SLAMF9: variants seen among roughly 807,000 people sequenced by gnomAD.
SLAMF9 encodes the protein SLAM family member 9.
Under a neutral mutation model 30.4 loss-of-function variants are expected in SLAMF9, and 25 were observed. The ratio of observed to expected loss-of-function variants is 0.82; its 90% CI spans 0.60 to 1.15. The LOEUF is 1.15. Ranked by LOEUF, SLAMF9 falls within the 50% of genes most tolerant of loss-of-function variation. The pLI, the probability that SLAMF9 is intolerant of heterozygous loss-of-function variation, is 0.00. For synonymous variants in SLAMF9, 129 were observed against 127.2 expected, an observed-to-expected ratio of 1.01 and a Z score of -0.09; for missense variants, 344 against 346.1, an observed-to-expected ratio of 0.99 and a Z score of 0.05.
the SLAMF9 span, among the ~76,000 whole-genome samples, chr1:159,977,719 T>G: frequency 1.3e-5 from 2 of 152,194 alleles, no homozygotes; most frequent in African/African-American, 4.8e-5. Flanking sequence ...CACAGCCCTG[T>G]GCAGACAGGC....
chr1:159,951,926 G>A (rs1182623001), intron 3 of SLAMF9, 60 bp from the exon 4 acceptor site: 2 of 1,485,768 alleles, frequency 1.3e-6, no homozygotes, highest in African/African-American at 1.4e-5. Context: ...TAAGATTTGG[G>A]CAGACTCCTA....
the SLAMF9 span, among the ~76,000 whole-genome samples, chr1:159,970,722 A>G: frequency 6.6e-6 from 1 of 152,196 alleles, no homozygotes; most frequent in African/African-American, 2.4e-5. Context: ...AGCCAAGTGT[A>G]CAGTCAGAAA....
chr1:159,960,624 C>T, the SLAMF9 span, among the ~76,000 whole-genome samples: 1 of 152,070 alleles, frequency 6.6e-6, no homozygotes, highest in Non-Finnish European at 1.5e-5. Flanking sequence ...TGCTACTACG[C>T]CTGGCTAATT....
chr1:159,976,620 C>T, the SLAMF9 span: 1 of 151,998 alleles, frequency 6.6e-6, no homozygotes, highest in East Asian at 1.9e-4. Flanking sequence ...ATAAAATATT[C>T]CAATCTTCTT....
At chr1:159,968,249 T>G in the SLAMF9 span, among the ~76,000 whole-genome samples, 77 of 152,294 alleles carry the variant, frequency 5.1e-4, no homozygotes, top group African/African-American at 1.7e-3. Context: ...TGTATATGGA[T>G]TTTACTGTGT....
At chr1:159,955,204 T>C (rs1332384285), upstream of SLAMF9, among the ~76,000 whole-genome samples, 1 of 152,156 alleles carries the variant, frequency 6.6e-6, no homozygotes, top group African/African-American at 2.4e-5. Flanking sequence ...TCAACTTATA[T>C]GAATTCAGAT....
At chr1:159,963,736 C>A in the SLAMF9 span, among the ~76,000 whole-genome samples, 3 of 152,156 alleles carry the variant, frequency 2.0e-5, no homozygotes, top group Non-Finnish European at 4.4e-5. Context: ...TTCATACCAC[C>A]TGCATCATAA....
chr1:159,974,071 G>A, the SLAMF9 span: 1 of 1,580,730 alleles, frequency 6.3e-7, no homozygotes. Flanking sequence ...CAGGCTGCAA[G>A]GCAGAGGAAC....
chr1:159,961,288 G>A, the SLAMF9 span: 6 of 152,260 alleles, frequency 3.9e-5, no homozygotes, highest in Admixed American at 3.9e-4. Flanking sequence ...TGGAGAGAAT[G>A]GAGGAAAGAT....
At chr1:159,969,368 A>G in the SLAMF9 span, among the ~76,000 whole-genome samples, 52 of 152,166 alleles carry the variant, frequency 3.4e-4, no homozygotes, top group African/African-American at 1.1e-3. Context: ...CTTCCTCTAG[A>G]ACAGTGGCTG....
chr1:159,971,646 G>A, the SLAMF9 span, among the ~76,000 whole-genome samples: 3 of 152,150 alleles, frequency 2.0e-5, no homozygotes, highest in African/African-American at 7.2e-5. Flanking sequence ...GTGCAGAGAT[G>A]CTCAAGCACA....
At chr1:159,982,488 C>T in the SLAMF9 span, among the ~76,000 whole-genome samples, 3 of 152,156 alleles carry the variant, frequency 2.0e-5, no homozygotes, top group African/African-American at 4.8e-5. Flanking sequence ...TGCAAATGTT[C>T]CCTTCTCGAT....
chr1:159,975,559 G>A, the SLAMF9 span, among the ~76,000 whole-genome samples: 8 of 152,182 alleles, frequency 5.3e-5, no homozygotes, highest in Non-Finnish European at 5.9e-5. Flanking sequence ...CCAGAGCAGT[G>A]GGAAAGGAAA....
chr1:159,952,612 G>A, intron 2 of SLAMF9, 78 bp from the exon 3 acceptor site: 1 of 1,486,456 alleles, frequency 6.7e-7, no homozygotes, highest in Non-Finnish European at 9.2e-7. Flanking sequence ...CAAACCTGGG[G>A]TACTAATGCT....
chr1:159,973,465 A>C, the SLAMF9 span, among the ~76,000 whole-genome samples: 1 of 152,130 alleles, frequency 6.6e-6, no homozygotes, highest in Non-Finnish European at 1.5e-5. Flanking sequence ...CCACACAGCC[A>C]GACCCTTCTG....
chr1:159,952,430 T>C lies in SLAMF9; in HGVS notation c.496A>G (p.Thr166Ala), dbSNP rs1331062803. Residue 166 changes from threonine (T) to alanine (A), a missense_variant, in exon 3 of 4, where the codon ACC becomes GCC. Physicochemically the swap from Thr to Ala is moderately conservative, Grantham distance 58 (BLOSUM62 0). Coordinates refer to ENST00000368093, the MANE Select transcript of SLAMF9 (RefSeq NM_033438.4). ...TCCCCCCGGGAGAGCCAGCTGTAGG[T>C]CATATCCATGCCTGCCTTCTCCACA... is the stretch of plus-strand genomic sequence containing the variant. Reference protein sequence around the residue: ...CSVEKAGMDMTYSWLSRGDST... With the variant: ...CSVEKAGMDMAYSWLSRGDST... 2 of 1,613,978 alleles carry C rather than the reference T, an allele frequency of 1.2e-6. No individual in the cohort carries two copies. The highest frequency in any genetic ancestry group is 3.3e-5 in the Admixed American group (2 of 60,002).
chr1:159,977,025 A>G, the SLAMF9 span: 1 of 151,956 alleles, frequency 6.6e-6, no homozygotes, highest in South Asian at 2.1e-4. Flanking sequence ...AGAAAAGAAG[A>G]TTGTAGCTAG....
the SLAMF9 span, chr1:159,980,479 G>A: frequency 6.6e-6 from 1 of 152,248 alleles, no homozygotes; most frequent in Admixed American, 6.5e-5. Flanking sequence ...TGAGGAGCAA[G>A]GGCTAAAGTG....
the SLAMF9 span, among the ~76,000 whole-genome samples, chr1:159,962,408 C>T: frequency 6.6e-6 from 1 of 151,850 alleles, no homozygotes; most frequent in South Asian, 2.1e-4. Flanking sequence ...TTTGGGAGGC[C>T]GAGGTGGGCG....
Sources: allele counts gnomAD v4.1 joint callset (sites outside exome capture counted in the v4.1 genomes callset), GRCh38; gene constraint gnomAD v4.1.1; transcripts MANE v1.5; gene names NCBI Gene and HGNC (gene_info 2026-07-23, HGNC 2026-07-21).